PCDHA5: variants seen among roughly 807,000 people sequenced by gnomAD.
PCDHA5 encodes protocadherin alpha-5.
In PCDHA5, 43 loss-of-function variants were observed where a neutral mutation model predicts 61.6. That is an observed-to-expected ratio of 0.70 (90% confidence interval 0.55 to 0.90). The LOEUF (loss-of-function observed/expected upper bound fraction) is 0.90. Ranked by LOEUF, PCDHA5 falls within the 40% of genes least tolerant of loss-of-function variation. PCDHA5 has a pLI of 0.00. For synonymous variants in PCDHA5, 627 were observed against 543.9 expected (o/e 1.15, Z -2.13); for missense variants, 1,298 against 1,222.7 (o/e 1.06, Z -0.92).
rs568082033 is a variant in PCDHA5, at chr5:140,926,946, AG to A, written c.2353-52002del. On this transcript the variant is annotated intron_variant, in intron 1 of 3. Transcript: ENST00000529859. ...GTTTGTGGGTTTCCTGCGGCGCTGC[AG>A]CGGGACAGCTCGAGTACTCAGTGCC... 60 of 1,590,228 alleles carry A rather than the reference AG, an allele frequency of 3.8e-5. No individual in the cohort carries two copies. The African/African-American group carries it at 7.7e-4, about 20-fold the overall frequency.
chr5:140,891,234 G>A (rs1477518444), intron 1 of PCDHA5, among the ~76,000 whole-genome samples: 2 of 151,932 alleles, frequency 1.3e-5, no homozygotes, highest in Non-Finnish European at 2.9e-5. Context: ...ATCCTGTTCT[G>A]GATTCAGTAG....
chr5:140,922,595 A>G (rs1554200883), intron 1 of PCDHA5, among the ~76,000 whole-genome samples: 1 of 152,216 alleles, frequency 6.6e-6, no homozygotes, highest in Non-Finnish European at 1.5e-5. Context: ...AGTTCTCATC[A>G]GTTGAAGATA....
intron 1 of PCDHA5, among the ~76,000 whole-genome samples, chr5:140,953,639 AG>A (rs1227582024): frequency 6.6e-6 from 1 of 152,152 alleles, no homozygotes; most frequent in African/African-American, 2.4e-5. Context: ...TATTTTGGCC[AG>A]GAGCTATAGT....
chr5:140,985,643 A>G (rs564908892), intron 3 of PCDHA5, among the ~76,000 whole-genome samples: 1 of 151,200 alleles, frequency 6.6e-6, no homozygotes, highest in Non-Finnish European at 1.5e-5. Context: ...TCATCCCAAC[A>G]CTTGCAATGG....
intron 1 of PCDHA5, chr5:140,835,881 G>C (rs2150247324): frequency 1.2e-6 from 2 of 1,612,004 alleles, no homozygotes; most frequent in South Asian, 2.2e-5. Flanking sequence ...GCTGCGGGTG[G>C]GCGAGCGCGC....
chr5:140,869,430 C>G (rs73793507), intron 1 of PCDHA5: 1 of 1,614,036 alleles, frequency 6.2e-7, no homozygotes, highest in African/African-American at 1.3e-5. Context: ...TGGAGGTGAT[C>G]GTGGACAGGC....
At chr5:140,944,617 G>A (rs374007868) in intron 1 of PCDHA5, among the ~76,000 whole-genome samples, 6 of 152,192 alleles carry the variant, frequency 3.9e-5, no homozygotes, top group African/African-American at 1.4e-4. Flanking sequence ...TGCTGTAGAA[G>A]TATAGTGTTG....
intron 1 of PCDHA5, among the ~76,000 whole-genome samples, chr5:140,891,369 A>G (rs13168533): frequency 0.051 from 7,710 of 152,068 alleles, 281 homozygotes; most frequent in Non-Finnish European, 0.073. Context: ...AGCAGTATAC[A>G]TTGCACCATA....
chr5:140,871,598 G>A (rs2053214620), intron 1 of PCDHA5: 1 of 1,452,006 alleles, frequency 6.9e-7, no homozygotes, highest in African/African-American at 1.4e-5. Flanking sequence ...TGAATAACCA[G>A]TGTTTTGAAT....
intron 1 of PCDHA5, chr5:140,883,972 C>G (rs781784485): frequency 3.1e-6 from 5 of 1,612,854 alleles, no homozygotes; most frequent in Non-Finnish European, 4.2e-6. Context: ...TGCTGACGCC[C>G]GGGGCTGGCA....
At chr5:140,842,799 C>G (rs2150344737) in intron 1 of PCDHA5, 2 of 1,594,426 alleles carry the variant, frequency 1.3e-6, no homozygotes, top group Non-Finnish European at 1.7e-6. Context: ...GTGTCCTACT[C>G]GCTTGTGGAG....
intron 1 of PCDHA5, among the ~76,000 whole-genome samples, chr5:140,973,587 C>T (rs2096594455): frequency 6.6e-6 from 1 of 152,194 alleles, no homozygotes; most frequent in African/African-American, 2.4e-5. Flanking sequence ...ACTGCTGAGC[C>T]AGATGGAATT....
rs185971380 is a variant in PCDHA5, at chr5:140,858,398, G to C, written c.2352+34271G>C. The C allele has an allele frequency of 3.8e-6, 6 of 1,574,020 alleles. No homozygotes were observed. Among genetic ancestry groups the C allele is most frequent in the South Asian group, 2.3e-5 (2 of 88,596 alleles). ...ACCATGCCCAATGGTAGATGTGGACGGGGAAGATCAGTCTATTGGAGGGGA... is the reference window on the plus strand; with the variant it reads ...ACCATGCCCAATGGTAGATGTGGACCGGGAAGATCAGTCTATTGGAGGGGA... On this transcript the variant is annotated intron_variant, in intron 1 of 3. Coordinates refer to ENST00000529859, the MANE Select transcript of PCDHA5 (RefSeq NM_018908.3).
chr5:140,838,097 T>G (rs1554136886), intron 1 of PCDHA5, among the ~76,000 whole-genome samples: 1 of 147,214 alleles, frequency 6.8e-6, no homozygotes, highest in African/African-American at 2.6e-5. Context: ...TGTGTGTGTG[T>G]GTGTGTGTGT....
At chr5:140,838,077 A>ATAGT (rs1203070308) in intron 1 of PCDHA5, among the ~76,000 whole-genome samples, 13 of 80,664 alleles carry the variant, frequency 1.6e-4, no homozygotes, top group Non-Finnish European at 3.2e-4. Flanking sequence ...ATATATATAT[A>ATAGT]GTGTGTGTGT....
At chr5:140,976,724 T>C (rs372662527) in intron 1 of PCDHA5, among the ~76,000 whole-genome samples, 6 of 152,202 alleles carry the variant, frequency 3.9e-5, no homozygotes, top group African/African-American at 1.4e-4. Flanking sequence ...AGTTCATTTA[T>C]TTAAACACAT....
At chr5:140,876,028 A>G in intron 1 of PCDHA5, 1 of 1,613,716 alleles carries the variant, frequency 6.2e-7, no homozygotes, top group Non-Finnish European at 8.5e-7. Flanking sequence ...AAAAACAAAA[A>G]AAGATAAAAG....
intron 1 of PCDHA5, chr5:140,884,758 C>A (rs1582804628): frequency 2.1e-6 from 3 of 1,424,736 alleles, no homozygotes; most frequent in East Asian, 2.5e-5. Context: ...TCAAATTATT[C>A]TTTACTTTAA....
intron 1 of PCDHA5, chr5:140,856,304 A>C (rs782114957): frequency 1.3e-5 from 21 of 1,598,432 alleles, no homozygotes; most frequent in Non-Finnish European, 1.8e-5. Flanking sequence ...TTTGTTTGTG[A>C]ATTCTCGGAT....
Sources: gnomAD v4.1 joint callset for allele counts (sites outside exome capture counted in the v4.1 genomes callset) on GRCh38, gnomAD v4.1.1 for gene constraint, MANE v1.5 for transcripts, NCBI Gene and HGNC (gene_info 2026-07-23, HGNC 2026-07-21) for gene names.